Variants in TRPM3 observed in about 807,000 individuals in gnomAD.
The protein encoded by TRPM3 is long transient receptor potential channel 3.
In TRPM3, 77 loss-of-function variants were observed where a neutral mutation model predicts 181.2. The observed-to-expected ratio is 0.42, with a 90% CI of 0.35 to 0.51. The LOEUF (loss-of-function observed/expected upper bound fraction) is 0.51, where lower values mean the gene tolerates loss of function less well. TRPM3 is among the 20% of genes least tolerant of loss of function. TRPM3 has a pLI of 0.01. For missense variants in TRPM3, 1,759 were observed against 2,196.7 expected (o/e 0.80, Z 3.98); for synonymous variants, 745 against 796.4 (o/e 0.94, Z 1.09).
intron 1 of TRPM3, among the ~76,000 whole-genome samples, chr9:71,380,293 A>G (rs1346424078): frequency 6.6e-6 from 1 of 152,014 alleles, no homozygotes; most frequent in African/African-American, 2.4e-5. Flanking sequence ...GCACAAAATG[A>G]AGAGAAAACA....
intron 1 of TRPM3, among the ~76,000 whole-genome samples, chr9:71,282,306 CGAAAGAAAGAAA>C (rs1420100402): frequency 3.7e-5 from 1 of 26,904 alleles, no homozygotes; most frequent in African/African-American, 1.6e-4. Flanking sequence ...AAAGAAAGAA[CGAAAGAAAGAAA>C]GAAAGGAAAG....
chr9:70,631,229 C>T (rs1436959978), intron 12 of TRPM3, among the ~76,000 whole-genome samples: 1 of 152,180 alleles, frequency 6.6e-6, no homozygotes, highest in Non-Finnish European at 1.5e-5. Context: ...CCCCAATGTA[C>T]AGCCCCTTAA....
At chr9:71,267,998 C>T (rs2083505249) in intron 1 of TRPM3, among the ~76,000 whole-genome samples, 1 of 152,168 alleles carries the variant, frequency 6.6e-6, no homozygotes, top group African/African-American at 2.4e-5. Flanking sequence ...AAAGCTGTTA[C>T]AAGATTCTGA....
intron 1 of TRPM3, among the ~76,000 whole-genome samples, chr9:70,889,598 C>G (rs1564694898): frequency 6.6e-6 from 1 of 152,108 alleles, no homozygotes; most frequent in Non-Finnish European, 1.5e-5. Flanking sequence ...TCTTGACTTT[C>G]AGGAATCTCC....
intron 1 of TRPM3, among the ~76,000 whole-genome samples, chr9:71,383,138 T>G (rs2092841343): frequency 6.6e-6 from 1 of 152,202 alleles, no homozygotes; most frequent in South Asian, 2.1e-4. Flanking sequence ...GAATTATTTC[T>G]CTAACATTTT....
intron 1 of TRPM3, among the ~76,000 whole-genome samples, chr9:70,998,030 C>T (rs2097557951): frequency 6.6e-6 from 1 of 151,708 alleles, no homozygotes; most frequent in Non-Finnish European, 1.5e-5. Flanking sequence ...CAAGACTGTT[C>T]CGATTGTTCT....
chr9:71,261,749 C>A (rs1020718009), intron 1 of TRPM3, among the ~76,000 whole-genome samples: 10 of 152,198 alleles, frequency 6.6e-5, no homozygotes, highest in Admixed American at 3.3e-4. Flanking sequence ...TTCCTTCTAA[C>A]AATCAGGCCC....
chr9:71,169,790 G>T (rs1042372825), intron 1 of TRPM3, among the ~76,000 whole-genome samples: 1 of 151,478 alleles, frequency 6.6e-6, no homozygotes, highest in Admixed American at 6.6e-5. Context: ...CCCCTTCTCG[G>T]TTTAGTATAA....
intron 8 of TRPM3, among the ~76,000 whole-genome samples, chr9:70,699,287 A>G (rs1372068803): frequency 1.3e-5 from 2 of 152,216 alleles, no homozygotes; most frequent in Non-Finnish European, 2.9e-5. Context: ...TGACACAGTA[A>G]GACGTCATGG....
chr9:70,560,247 T>C (rs1039070229), intron 22 of TRPM3, among the ~76,000 whole-genome samples: 21 of 152,272 alleles, frequency 1.4e-4, no homozygotes, highest in African/African-American at 5.1e-4. Context: ...GCCAGAACCA[T>C]TCCATATATC....
chr9:71,295,813 TG>T (rs2086213681), intron 1 of TRPM3, among the ~76,000 whole-genome samples: 1 of 132,224 alleles, frequency 7.6e-6, no homozygotes, highest in Non-Finnish European at 1.5e-5. Flanking sequence ...CATGCCAGCT[TG>T]GGCAACAGAG....
intron 1 of TRPM3, among the ~76,000 whole-genome samples, chr9:71,092,340 A>G (rs577876184): frequency 3.4e-4 from 51 of 152,212 alleles, no homozygotes; most frequent in Non-Finnish European, 6.0e-4. Flanking sequence ...AAAACTATAC[A>G]AAAGAAAACT....
chr9:70,878,893 A>G (rs1459970239), intron 1 of TRPM3, among the ~76,000 whole-genome samples: 2 of 152,116 alleles, frequency 1.3e-5, no homozygotes, highest in Admixed American at 6.6e-5. Context: ...ATTCCCTTAC[A>G]TCTAAGTTGG....
intron 22 of TRPM3, among the ~76,000 whole-genome samples, chr9:70,568,311 A>G (rs897747907): frequency 6.6e-6 from 1 of 152,228 alleles, no homozygotes; most frequent in Non-Finnish European, 1.5e-5. Context: ...TTATCTAGAA[A>G]CAAATCTGGT....
intron 22 of TRPM3, among the ~76,000 whole-genome samples, chr9:70,581,922 C>T (rs1398278167): frequency 2.9e-5 from 4 of 139,486 alleles, no homozygotes; most frequent in African/African-American, 2.6e-5. Context: ...TTCATTCCTT[C>T]CCTCCTTCCC....
chr9:70,744,658 C>T (rs2074816941), intron 8 of TRPM3, among the ~76,000 whole-genome samples: 1 of 152,090 alleles, frequency 6.6e-6, no homozygotes. Flanking sequence ...GACACTGTGC[C>T]TTCATTTTCC....
At chr9:71,290,009 GT>G (rs111915965) in intron 1 of TRPM3, among the ~76,000 whole-genome samples, 8,811 of 149,444 alleles carry the variant, frequency 0.059, 832 homozygotes, top group African/African-American at 0.2. Flanking sequence ...TATATATTAT[GT>G]TCTTGTATCA....
At chr9:71,133,424 C>A (rs908020374) in intron 1 of TRPM3, among the ~76,000 whole-genome samples, 2 of 151,604 alleles carry the variant, frequency 1.3e-5, no homozygotes, top group Non-Finnish European at 2.9e-5. Flanking sequence ...CCTCCCCTCC[C>A]GAGTAGCTGG....
At chr9:70,923,803 A>ACACACT (rs1222991757) in intron 1 of TRPM3, among the ~76,000 whole-genome samples, 1 of 143,442 alleles carries the variant, frequency 7.0e-6, no homozygotes, top group African/African-American at 2.6e-5. Flanking sequence ...ACACACACAC[A>ACACACT]CTCTCTCTCT....
Sources: allele counts gnomAD v4.1 joint callset (sites outside exome capture counted in the v4.1 genomes callset), GRCh38; gene constraint gnomAD v4.1.1; transcripts MANE v1.5; gene names NCBI Gene and HGNC (gene_info 2026-07-23, HGNC 2026-07-21).